CPNE4: variants seen among roughly 807,000 people sequenced by gnomAD.
CPNE4 encodes the protein copine-4.
CPNE4 carries 25 observed loss-of-function variants against 67.9 expected under a neutral mutation model. That is an observed-to-expected ratio of 0.37 (90% CI 0.27 to 0.51). The LOEUF (loss-of-function observed/expected upper bound fraction) is 0.51, where lower values mean the gene tolerates loss of function less well. Ranked by LOEUF, CPNE4 falls within the 20% of genes least tolerant of loss-of-function variation. The pLI is 0.93. For synonymous variants in CPNE4, 242 were observed against 244.9 expected (o/e 0.99, Z 0.11); for missense variants, 464 against 690.8 (o/e 0.67, Z 3.68).
At chr3:131,907,457 C>T (rs1022736770) in intron 1 of CPNE4, among the ~76,000 whole-genome samples, 2 of 151,976 alleles carry the variant, frequency 1.3e-5, no homozygotes, top group Non-Finnish European at 2.9e-5. Flanking sequence ...CATGCCACCT[C>T]TTTTACAGGA....
At chr3:132,023,661 G>C (rs1227693761) in intron 1 of CPNE4, among the ~76,000 whole-genome samples, 10 of 151,962 alleles carry the variant, frequency 6.6e-5, no homozygotes, top group Non-Finnish European at 4.4e-5. Context: ...CTAATTTTTT[G>C]TATTTTTAGT....
chr3:131,628,832 T>A (rs1040680352), intron 7 of CPNE4, among the ~76,000 whole-genome samples: 2 of 150,498 alleles, frequency 1.3e-5, no homozygotes, highest in Non-Finnish European at 2.9e-5. Context: ...ATTTTGTTGA[T>A]CTTTTCAAAA....
intron 2 of CPNE4, among the ~76,000 whole-genome samples, chr3:131,857,415 C>A (rs1261863764): frequency 6.6e-6 from 1 of 151,870 alleles, no homozygotes. Context: ...TTAAAGTTCC[C>A]AGAACAAGTC....
At chr3:131,559,565 T>A in intron 11 of CPNE4, among the ~76,000 whole-genome samples, 1 of 152,014 alleles carries the variant, frequency 6.6e-6, no homozygotes, top group East Asian at 1.9e-4. Context: ...GCTCAGATTT[T>A]AAAAAATACT....
At chr3:131,774,366 T>C (rs931859386) in intron 2 of CPNE4, among the ~76,000 whole-genome samples, 1 of 151,638 alleles carries the variant, frequency 6.6e-6, no homozygotes. Context: ...CTCTTTCTTG[T>C]AGACACAGGA....
chr3:131,720,284 G>GTTT (rs60028328), intron 3 of CPNE4, among the ~76,000 whole-genome samples: 8 of 107,944 alleles, frequency 7.4e-5, no homozygotes, highest in South Asian at 3.1e-4. Context: ...ACAGGAATGG[G>GTTT]TTTTTTTTTT....
At chr3:131,899,566 G>A (rs929584098) in intron 2 of CPNE4, among the ~76,000 whole-genome samples, 2 of 152,090 alleles carry the variant, frequency 1.3e-5, no homozygotes, top group African/African-American at 4.8e-5. Context: ...CAGCTTTACT[G>A]TTTACTAATT....
At chr3:131,645,820 G>A (rs2079650205) in intron 7 of CPNE4, among the ~76,000 whole-genome samples, 1 of 152,138 alleles carries the variant, frequency 6.6e-6, no homozygotes, top group Non-Finnish European at 1.5e-5. Context: ...GCTAGGGGCA[G>A]GCATTACCAT....
At chr3:131,801,450 G>GTATATATATATATATA (rs1233533120) in intron 2 of CPNE4, among the ~76,000 whole-genome samples, 2 of 39,576 alleles carry the variant, frequency 5.1e-5, no homozygotes, top group African/African-American at 1.8e-4. Flanking sequence ...GTGTGTGTGT[G>GTATATATATATATATA]TGTATATATA....
At chr3:132,003,058 A>G (rs1182036071) in intron 1 of CPNE4, among the ~76,000 whole-genome samples, 4 of 152,170 alleles carry the variant, frequency 2.6e-5, no homozygotes, top group Non-Finnish European at 5.9e-5. Context: ...TTTAGGGTAC[A>G]AGAAAAACAG....
intron 1 of CPNE4, among the ~76,000 whole-genome samples, chr3:131,969,349 T>G (rs1367373230): frequency 6.6e-6 from 1 of 151,656 alleles, no homozygotes; most frequent in African/African-American, 2.4e-5. Context: ...GTTCTGCACA[T>G]GTATCCCAGA....
At chr3:131,565,010 T>C (rs941925965) in intron 10 of CPNE4, among the ~76,000 whole-genome samples, 1 of 152,058 alleles carries the variant, frequency 6.6e-6, no homozygotes, top group African/African-American at 2.4e-5. Context: ...TGCCACCAAC[T>C]AGTCATTTAT....
intron 7 of CPNE4, among the ~76,000 whole-genome samples, chr3:131,631,878 C>T (rs1008302769): frequency 2.7e-5 from 4 of 150,644 alleles, no homozygotes; most frequent in African/African-American, 4.9e-5. Context: ...TAATTATCCC[C>T]CCTCCCCAAC....
rs1198026560 is a variant in CPNE4, at chr3:132,005,469, C to T, written c.-2+29098G>A. 3.3e-5 allele frequency among the ~76,000 whole-genome samples: 5 copies of T among 151,002 alleles called. No individual in the cohort carries two copies. In the East Asian group the frequency reaches 9.7e-4, roughly 29 times the overall value. Reference sequence around the variant, plus strand: ...AATCTACTAACACATCCTTTTTCTCCATCTGTTCACCTGATTATACAGGAT... The same window carrying T: ...AATCTACTAACACATCCTTTTTCTCTATCTGTTCACCTGATTATACAGGAT... On this transcript the variant is annotated intron_variant, in intron 1 of 15. Transcript: ENST00000429747.
chr3:132,034,621 G>C lies in CPNE4; in HGVS notation c.-56C>G, dbSNP rs2074307635. On this transcript the variant is annotated 5_prime_UTR_variant, in exon 1 of 16. Coordinates refer to ENST00000429747, the MANE Select transcript of CPNE4 (RefSeq NM_130808.3). ...GAGAATTCAGCCCGGGACGAGGTCT[G>C]TCCCGCCCCCAGGATGCAAAATCCG... is the stretch of plus-strand genomic sequence containing the variant. The C allele has an allele frequency of 1.0e-6, 1 of 985,502 alleles. No individual in the cohort carries two copies. 61.0% of individuals were successfully genotyped at this position (985,502 alleles called of 1,614,324 possible). A position where few individuals can be genotyped will look rare whatever the true frequency, so the allele number is the denominator to read the frequency against.
At chr3:131,891,464 T>G (rs1279823677) in intron 2 of CPNE4, among the ~76,000 whole-genome samples, 1 of 152,026 alleles carries the variant, frequency 6.6e-6, no homozygotes, top group Non-Finnish European at 1.5e-5. Flanking sequence ...CATGCAGGTT[T>G]GTTACACAGG....
rs1175956681 is a variant in CPNE4, at chr3:131,905,558, ATTGAAGGTATTTAT to A, written c.-1-128_-1-115del. On this transcript the variant is annotated intron_variant, in intron 1 of 15. Coordinates refer to ENST00000429747, the MANE Select transcript of CPNE4 (RefSeq NM_130808.3). ...AATTGTTTGACACACAGTTTCAAACATTGAAGGTATTTATCTCACTTTCCAACCCAGTGACACAG... is the reference window on the plus strand; with the variant it reads ...AATTGTTTGACACACAGTTTCAAACACTCACTTTCCAACCCAGTGACACAG... The A allele has an allele frequency of 1.2e-4, 104 of 895,112 alleles. No homozygotes were observed. In the East Asian group the frequency reaches 1.4e-3, roughly 12 times the overall value. 55.4% of individuals were successfully genotyped at this position (895,112 alleles called of 1,614,324 possible).
At chr3:131,751,116 A>T (rs1472062727) in intron 2 of CPNE4, among the ~76,000 whole-genome samples, 1 of 152,030 alleles carries the variant, frequency 6.6e-6, no homozygotes, top group Non-Finnish European at 1.5e-5. Context: ...ATTATGATGT[A>T]TCTTGGCATG....
intron 1 of CPNE4, among the ~76,000 whole-genome samples, chr3:131,977,789 G>GT (rs1560718909): frequency 6.6e-6 from 1 of 151,634 alleles, no homozygotes; most frequent in Non-Finnish European, 1.5e-5. Context: ...CACCCAAGCA[G>GT]TATACACTGC....
Sources: gnomAD v4.1 joint callset for allele counts (sites outside exome capture counted in the v4.1 genomes callset) on GRCh38, gnomAD v4.1.1 for gene constraint, MANE v1.5 for transcripts, NCBI Gene and HGNC (gene_info 2026-07-23, HGNC 2026-07-21) for gene names.